The following AGBL4 variants were observed in gnomAD, a reference collection of about 807,000 sequenced individuals.
AGBL4 encodes the protein cytosolic carboxypeptidase 6.
A neutral mutation model predicts 66.4 loss-of-function variants in AGBL4; 58 were observed. That is an observed-to-expected ratio of 0.87 (90% CI 0.71 to 1.09). The LOEUF (loss-of-function observed/expected upper bound fraction) is 1.09. Ranked by LOEUF, AGBL4 falls within the 50% of genes least tolerant of loss-of-function variation. AGBL4 has a pLI of 0.00. For synonymous variants in AGBL4, 234 were observed against 222.9 expected, an observed-to-expected ratio of 1.05 and a Z score of -0.44; for missense variants, 579 against 631.0, an observed-to-expected ratio of 0.92 and a Z score of 0.88.
chr1:49,915,829 C>G (rs1409923170), intron 1 of AGBL4, among the ~76,000 whole-genome samples: 1 of 152,240 alleles, frequency 6.6e-6, no homozygotes, highest in East Asian at 1.9e-4. Flanking sequence ...CTGGGAGACA[C>G]CCCCTAATAG....
At chr1:49,930,403 T>C (rs1022896152) in intron 1 of AGBL4, among the ~76,000 whole-genome samples, 1 of 152,112 alleles carries the variant, frequency 6.6e-6, no homozygotes, top group Non-Finnish European at 1.5e-5. Flanking sequence ...ACACCAACTC[T>C]ACACAAACTC....
intron 6 of AGBL4, among the ~76,000 whole-genome samples, chr1:48,723,025 T>C: frequency 6.6e-6 from 1 of 152,212 alleles, no homozygotes; most frequent in East Asian, 1.9e-4. Context: ...AAGAATTTGT[T>C]TAAGGTCACA....
chr1:48,671,701 T>C (rs893532256), intron 6 of AGBL4, among the ~76,000 whole-genome samples: 23 of 152,240 alleles, frequency 1.5e-4, no homozygotes, highest in Non-Finnish European at 7.3e-5. Flanking sequence ...TCCAAATGCC[T>C]GACCTTACAG....
chr1:49,120,749 C>T (rs747401533), intron 4 of AGBL4, among the ~76,000 whole-genome samples: 1 of 152,260 alleles, frequency 6.6e-6, no homozygotes, highest in East Asian at 1.9e-4. Context: ...TTAATATTGG[C>T]CTGTCTTGCT....
At chr1:48,560,020 C>T (rs184281253) in intron 11 of AGBL4, among the ~76,000 whole-genome samples, 7 of 152,272 alleles carry the variant, frequency 4.6e-5, no homozygotes, top group Non-Finnish European at 7.4e-5. Flanking sequence ...TCTTAGTCAT[C>T]CTTCAAGGCT....
chr1:49,370,284 C>A (rs1453625006), intron 3 of AGBL4, among the ~76,000 whole-genome samples: 1 of 151,484 alleles, frequency 6.6e-6, no homozygotes. Context: ...TGGAGGCTGG[C>A]AAACTTAAAA....
intron 2 of AGBL4, among the ~76,000 whole-genome samples, chr1:49,740,297 CAA>C (rs1329552396): frequency 6.6e-6 from 1 of 152,054 alleles, no homozygotes; most frequent in Non-Finnish European, 1.5e-5. Flanking sequence ...TCAAAAGAGA[CAA>C]AGAAGGCCAG....
intron 4 of AGBL4, among the ~76,000 whole-genome samples, chr1:49,080,794 A>G (rs1304074865): frequency 6.6e-6 from 1 of 152,200 alleles, no homozygotes; most frequent in East Asian, 1.9e-4. Context: ...GAAACAAAAG[A>G]TTCTCTTTAA....
intron 3 of AGBL4, among the ~76,000 whole-genome samples, chr1:49,514,618 G>C (rs985725574): frequency 6.6e-6 from 1 of 151,952 alleles, no homozygotes; most frequent in Non-Finnish European, 1.5e-5. Flanking sequence ...GAGGCATCAC[G>C]CTACCTGACT....
At chr1:49,795,214 G>A (rs1000006768) in intron 2 of AGBL4, among the ~76,000 whole-genome samples, 2 of 151,630 alleles carry the variant, frequency 1.3e-5, no homozygotes, top group African/African-American at 4.8e-5. Flanking sequence ...AAAAATAGAA[G>A]TACCATTCTA....
intron 11 of AGBL4, among the ~76,000 whole-genome samples, chr1:48,580,379 C>T (rs1338183415): frequency 6.6e-6 from 1 of 152,284 alleles, no homozygotes; most frequent in African/African-American, 2.4e-5. Context: ...GAGGAGTAAA[C>T]AGCTACTGTT....
intron 3 of AGBL4, among the ~76,000 whole-genome samples, chr1:49,496,546 C>T (rs1033983653): frequency 6.7e-6 from 1 of 150,050 alleles, no homozygotes; most frequent in African/African-American, 2.5e-5. Flanking sequence ...ACCCAAGCCC[C>T]TAGTAACCAC....
chr1:49,696,392 T>C (rs1318633599), intron 3 of AGBL4, among the ~76,000 whole-genome samples: 1 of 152,032 alleles, frequency 6.6e-6, no homozygotes, highest in Non-Finnish European at 1.5e-5. Flanking sequence ...CTGAAGAAAT[T>C]ATGGTTAAAA....
At chr1:48,933,238 A>G (rs1571033955) in intron 5 of AGBL4, among the ~76,000 whole-genome samples, 1 of 152,324 alleles carries the variant, frequency 6.6e-6, no homozygotes, top group African/African-American at 2.4e-5. Flanking sequence ...ACACATATAT[A>G]TGGTATTTAT....
At chr1:48,632,783 G>T (rs1645612832) in intron 9 of AGBL4, among the ~76,000 whole-genome samples, 1 of 152,236 alleles carries the variant, frequency 6.6e-6, no homozygotes, top group African/African-American at 2.4e-5. Context: ...TCTTTGAGAA[G>T]GAAGTATTGC....
chr1:49,783,360 A>C (rs1644380053), intron 2 of AGBL4, among the ~76,000 whole-genome samples: 3 of 152,234 alleles, frequency 2.0e-5, no homozygotes, highest in Admixed American at 2.0e-4. Context: ...CCAGGCATGC[A>C]AGGTTGTTTG....
chr1:49,312,841 T>C (rs1289789503), intron 3 of AGBL4, among the ~76,000 whole-genome samples: 1 of 152,128 alleles, frequency 6.6e-6, no homozygotes, highest in African/African-American at 2.4e-5. Flanking sequence ...CCAGTGAAGA[T>C]GCGGAGCAAT....
At chr1:48,554,181 T>C (rs1477047685) in intron 11 of AGBL4, among the ~76,000 whole-genome samples, 1 of 152,184 alleles carries the variant, frequency 6.6e-6, no homozygotes, top group Non-Finnish European at 1.5e-5. Flanking sequence ...CCTCTACCTT[T>C]AAAAGAAGCC....
intron 2 of AGBL4, among the ~76,000 whole-genome samples, chr1:49,828,370 G>T (rs901929599): frequency 2.0e-5 from 3 of 152,156 alleles, no homozygotes; most frequent in Non-Finnish European, 4.4e-5. Context: ...GATCATCACA[G>T]AAGGCCTCTC....
Sources: gnomAD v4.1 joint callset for allele counts (sites outside exome capture counted in the v4.1 genomes callset) on GRCh38, gnomAD v4.1.1 for gene constraint, MANE v1.5 for transcripts, NCBI Gene and HGNC (gene_info 2026-07-23, HGNC 2026-07-21) for gene names.